The following DSG2 variants were observed in gnomAD, a reference collection of about 807,000 sequenced individuals.
DSG2 encodes desmoglein-2.
Under a neutral mutation model 75.6 loss-of-function variants are expected in DSG2, and 45 were observed. The ratio of observed to expected loss-of-function variants is 0.60; its 90% CI spans 0.47 to 0.76. The LOEUF (loss-of-function observed/expected upper bound fraction) is 0.76, where lower values mean the gene tolerates loss of function less well. Ranked by LOEUF, DSG2 falls within the 30% of genes least tolerant of loss-of-function variation. DSG2 has a pLI of 0.00. For missense variants in DSG2, 1,267 were observed against 1,357.4 expected, an observed-to-expected ratio of 0.93 and a Z score of 1.05; for synonymous variants, 429 against 483.9, an observed-to-expected ratio of 0.89 and a Z score of 1.49.
chr18:31,538,383 C>A (rs1034247248), intron 11 of DSG2, among the ~76,000 whole-genome samples: 12 of 150,306 alleles, frequency 8.0e-5, no homozygotes, highest in African/African-American at 3.0e-4. Flanking sequence ...TGAAAAATTG[C>A]CTTAATGAAG....
intron 1 of DSG2, among the ~76,000 whole-genome samples, chr18:31,501,976 G>GA (rs1370105917): frequency 6.6e-6 from 1 of 152,150 alleles, no homozygotes; most frequent in Non-Finnish European, 1.5e-5. Context: ...GTATAAATTA[G>GA]ATGGTGAATA....
At chr18:31,519,778 T>A in intron 2 of DSG2, 25 bp from the exon 3 acceptor site, 1 of 1,609,400 alleles carries the variant, frequency 6.2e-7, no homozygotes, top group East Asian at 2.2e-5. Flanking sequence ...ACATAATAAA[T>A]TTTGGCAATA....
At position 31,546,836 on chromosome 18, in the gene DSG2, A is replaced by C; in HGVS notation, c.*93A>C. On this transcript the variant is annotated 3_prime_UTR_variant, in exon 15 of 15. Transcript: ENST00000261590. Reference sequence around the variant, plus strand: ...CTGATTTTTCATGAGCCTTACAGACACACAGAGACACATACACATTGATCT... The same window carrying C: ...CTGATTTTTCATGAGCCTTACAGACCCACAGAGACACATACACATTGATCT... 7.5e-7 allele frequency: 1 copy of C among 1,333,360 alleles called. No homozygotes were observed. The highest frequency in any genetic ancestry group is 1.1e-6 in the Non-Finnish European group (1 of 928,084). The allele number at this position is 1,333,360 out of a possible 1,614,324, so 82.6% of individuals were successfully genotyped here.
chr18:31,527,840 G>A lies in DSG2; in HGVS notation c.1014+2952G>A, dbSNP rs111566366. 9.8e-3 allele frequency among the ~76,000 whole-genome samples: 1,488 copies of A among 152,312 alleles called. 18 individuals are homozygous for A. The highest frequency in any genetic ancestry group is 0.035 in the African/African-American group (1,436 of 41,558). On this transcript the variant is annotated intron_variant, in intron 8 of 14. Coordinates refer to ENST00000261590, the MANE Select transcript of DSG2 (RefSeq NM_001943.5). ...AGCCCAAGATCAAAGCAGATGCAGT[G>A]TCTGGGCAGGTCCCGCTTTCTGGCT...
intron 8 of DSG2, among the ~76,000 whole-genome samples, chr18:31,526,971 T>TGAAA (rs2073166611): frequency 6.6e-6 from 1 of 152,138 alleles, no homozygotes; most frequent in Non-Finnish European, 1.5e-5. Flanking sequence ...TTTTTTTAAA[T>TGAAA]TTAGTGTCAC....
At chr18:31,541,390 G>T in intron 13 of DSG2, 76 bp downstream of exon 13, 1 of 1,561,478 alleles carries the variant, frequency 6.4e-7, no homozygotes, top group African/African-American at 1.4e-5. Flanking sequence ...TTTCTTACAT[G>T]TTTGGTTGAG....
chr18:31,500,170 T>G (rs117556652), intron 1 of DSG2, among the ~76,000 whole-genome samples: 3,357 of 152,272 alleles, frequency 0.022, 77 homozygotes, highest in Non-Finnish European at 0.028. Flanking sequence ...TAACGGAATT[T>G]ACTCTAGCTA....
chr18:31,533,982 C>CT (rs1282511260), intron 9 of DSG2, among the ~76,000 whole-genome samples: 13 of 126,756 alleles, frequency 1.0e-4, no homozygotes, highest in South Asian at 9.5e-4. Context: ...ACATACATTT[C>CT]TTTTTTTTCT....
intron 1 of DSG2, among the ~76,000 whole-genome samples, chr18:31,506,980 A>G (rs2073042129): frequency 6.6e-6 from 1 of 151,842 alleles, no homozygotes; most frequent in Admixed American, 6.6e-5. Context: ...CAGAACGTGC[A>G]GGTTTGTTAC....
chr18:31,503,106 C>T (rs1000138772), intron 1 of DSG2, among the ~76,000 whole-genome samples: 3 of 152,140 alleles, frequency 2.0e-5, no homozygotes, highest in African/African-American at 7.2e-5. Context: ...AGACACATGA[C>T]CCCTATTTAG....
Position 31,498,284 on chromosome 18 carries a change from G to C in DSG2, c.33G>C (p.Leu11=), listed in dbSNP as rs992417191. The C allele has an allele frequency of 4.0e-6, 5 of 1,265,650 alleles. No homozygotes were observed. The highest frequency in any genetic ancestry group is 4.0e-5 in the Admixed American group (1 of 24,886). The allele number at this position is 1,265,650 out of a possible 1,614,324, so 78.4% of individuals were successfully genotyped here. Residue 11 remains leucine, a synonymous_variant, in exon 1 of 15, where the codon CTG becomes CTC. Coordinates refer to ENST00000261590, the MANE Select transcript of DSG2 (RefSeq NM_001943.5). MARSPGRAYA[L]LLLLICFNVG... is the part of the protein sequence containing the mutation. ...GGAGCCCGGGACGCGCGTACGCCCT[G>C]CTGCTTCTCCTGGTAAGTGCCGCAA... is the stretch of plus-strand genomic sequence containing the variant.
chr18:31,520,702 C>A, intron 3 of DSG2, 101 bp from the exon 4 acceptor site: 1 of 1,238,112 alleles, frequency 8.1e-7, no homozygotes, highest in Non-Finnish European at 1.1e-6. Flanking sequence ...AAATATTTAC[C>A]TGTAAATTAT....
At chr18:31,501,231 T>A (rs1274514348) in intron 1 of DSG2, among the ~76,000 whole-genome samples, 1 of 152,234 alleles carries the variant, frequency 6.6e-6, no homozygotes. Context: ...GAGAAGGGGT[T>A]CATAGGCCTC....
intron 14 of DSG2, chr18:31,543,533 G>A (rs1470482688): frequency 6.6e-6 from 1 of 152,244 alleles, no homozygotes; most frequent in Non-Finnish European, 1.5e-5. Flanking sequence ...GGAAGCTCAT[G>A]CTAGAATTGA....
In DSG2 at chr18:31,546,974, G is replaced by A; in HGVS notation, c.*231G>A. ...GACATAGAGATGATGCTGCTGCTTAGGTGCCTTTTAGCAAGCTATGCAAAC... is the reference window on the plus strand; with the variant it reads ...GACATAGAGATGATGCTGCTGCTTAAGTGCCTTTTAGCAAGCTATGCAAAC... On this transcript the variant is annotated 3_prime_UTR_variant, in exon 15 of 15. Transcript: ENST00000261590. The A allele has an allele frequency of 1.7e-6, 1 of 598,036 alleles. No homozygotes were observed. 37.0% of individuals were successfully genotyped at this position (598,036 alleles called of 1,614,324 possible). A position where few individuals can be genotyped will look rare whatever the true frequency, so the allele number is the denominator to read the frequency against.
intron 9 of DSG2, among the ~76,000 whole-genome samples, chr18:31,534,753 A>C (rs982155215): frequency 1.3e-5 from 2 of 151,600 alleles, no homozygotes; most frequent in African/African-American, 2.4e-5. Context: ...TAAGTGATCC[A>C]CCCGCCTCAG....
intron 2 of DSG2, among the ~76,000 whole-genome samples, chr18:31,518,828 A>G (rs531197332): frequency 2.0e-5 from 3 of 152,314 alleles, no homozygotes; most frequent in South Asian, 4.1e-4. Flanking sequence ...AACCAAACCT[A>G]GTATAAGGAT....
chr18:31,547,187 TCAA>T lies in DSG2; in HGVS notation c.*449_*451del, dbSNP rs1567935552. The T allele has an allele frequency of 3.7e-6, 1 of 269,506 alleles. No individual in the cohort carries two copies. Among genetic ancestry groups the T allele is most frequent in the Non-Finnish European group, 7.2e-6 (1 of 139,358 alleles). 16.7% of individuals were successfully genotyped at this position (269,506 alleles called of 1,614,324 possible). A position where few individuals can be genotyped will look rare whatever the true frequency, so the allele number is the denominator to read the frequency against. ...GTACTTTACTGCACCCAGCAGACTT[TCAA>T]CAACTCATTGATCCAAAGATACATG... On this transcript the variant is annotated 3_prime_UTR_variant, in exon 15 of 15. Transcript: ENST00000261590.
Position 31,498,312 on chromosome 18 carries a change from G to C in DSG2, c.45+16G>C, listed in dbSNP as rs199519502. ...GCTTCTCCTGGTAAGTGCCGCAAGC[G>C]GGACAGGGGAGCCACCGCCGGGGAG... On this transcript the variant is annotated intron_variant, in intron 1 of 14. Transcript: ENST00000261590. 3.2e-4 allele frequency: 402 copies of C among 1,257,838 alleles called. 1 individual carries two copies. In the African/African-American group the frequency reaches 5.5e-3, roughly 17 times the overall value. 77.9% of individuals were successfully genotyped at this position (1,257,838 alleles called of 1,614,324 possible). A position where few individuals can be genotyped will look rare whatever the true frequency, so the allele number is the denominator to read the frequency against.
Sources: gnomAD v4.1 joint callset for allele counts (sites outside exome capture counted in the v4.1 genomes callset) on GRCh38, gnomAD v4.1.1 for gene constraint, MANE v1.5 for transcripts, NCBI Gene and HGNC (gene_info 2026-07-23, HGNC 2026-07-21) for gene names.